ADGRL3: variants seen among roughly 807,000 people sequenced by gnomAD.
ADGRL3 encodes the protein adhesion G protein-coupled receptor L3.
A neutral mutation model predicts 153.5 loss-of-function variants in ADGRL3; 62 were observed. The observed-to-expected ratio is 0.40, with a 90% confidence interval of 0.33 to 0.50. ADGRL3 has a LOEUF of 0.50. Ranked by LOEUF, ADGRL3 falls within the 20% of genes least tolerant of loss-of-function variation. ADGRL3 has a pLI of 0.47. For missense variants in ADGRL3, 1,641 were observed against 1,859.4 expected (o/e 0.88, Z 2.16); for synonymous variants, 710 against 672.5 (o/e 1.06, Z -0.86).
At chr4:61,302,428 A>C (rs1347948236) in intron 1 of ADGRL3, among the ~76,000 whole-genome samples, 1 of 152,176 alleles carries the variant, frequency 6.6e-6, no homozygotes, top group Non-Finnish European at 1.5e-5. Flanking sequence ...TTATCTAAAA[A>C]ACTAGGTATT....
chr4:61,748,209 G>C (rs960009111), intron 8 of ADGRL3, among the ~76,000 whole-genome samples: 8 of 152,200 alleles, frequency 5.3e-5, no homozygotes, highest in African/African-American at 1.9e-4. Context: ...AAATAAAAGA[G>C]AATACAATCA....
At chr4:61,208,752 T>C (rs1394948) in intron 1 of ADGRL3, among the ~76,000 whole-genome samples, 1 of 152,094 alleles carries the variant, frequency 6.6e-6, no homozygotes, top group South Asian at 2.1e-4. Flanking sequence ...AAGACCCCAA[T>C]TGAATATTTA....
At chr4:61,273,762 A>G (rs187709608) in intron 1 of ADGRL3, among the ~76,000 whole-genome samples, 1 of 152,296 alleles carries the variant, frequency 6.6e-6, no homozygotes, top group East Asian at 1.9e-4. Context: ...ACTGTTAACT[A>G]CTACTTCCCC....
At chr4:61,524,658 G>A (rs886808905) in intron 4 of ADGRL3, among the ~76,000 whole-genome samples, 1 of 152,000 alleles carries the variant, frequency 6.6e-6, no homozygotes, top group African/African-American at 2.4e-5. Flanking sequence ...CATCTCTAAA[G>A]TGTGATATAA....
chr4:61,309,388 C>T (rs998873097), intron 1 of ADGRL3, among the ~76,000 whole-genome samples: 2 of 152,104 alleles, frequency 1.3e-5, no homozygotes, highest in African/African-American at 4.8e-5. Flanking sequence ...AGCTTAGTAA[C>T]CCCTGGAGTA....
chr4:61,658,059 C>G (rs928261965), intron 5 of ADGRL3, among the ~76,000 whole-genome samples: 6 of 152,140 alleles, frequency 3.9e-5, no homozygotes, highest in African/African-American at 1.4e-4. Context: ...AAAGTCAGTC[C>G]ACCATAATTT....
intron 24 of ADGRL3, among the ~76,000 whole-genome samples, chr4:62,042,964 T>C (rs565305006): frequency 6.6e-6 from 1 of 152,246 alleles, no homozygotes; most frequent in Admixed American, 6.6e-5. Context: ...ATTTTGATAC[T>C]TACTCACCTG....
At chr4:61,334,825 C>T (rs1167514466) in intron 1 of ADGRL3, among the ~76,000 whole-genome samples, 1 of 151,986 alleles carries the variant, frequency 6.6e-6, no homozygotes, top group Non-Finnish European at 1.5e-5. Context: ...TGGGATTTTT[C>T]TATTCATCAA....
intron 25 of ADGRL3, among the ~76,000 whole-genome samples, chr4:62,058,403 G>A (rs1193232510): frequency 6.6e-6 from 1 of 152,064 alleles, no homozygotes; most frequent in Admixed American, 6.6e-5. Flanking sequence ...ACTCATAATG[G>A]ATAAAATAAC....
intron 4 of ADGRL3, among the ~76,000 whole-genome samples, chr4:61,526,209 C>T (rs1428900857): frequency 1.3e-5 from 2 of 152,042 alleles, no homozygotes; most frequent in Non-Finnish European, 2.9e-5. Flanking sequence ...GGGTGATCAC[C>T]GAGCATGAGC....
At chr4:61,266,627 A>G (rs1505664) in intron 1 of ADGRL3, among the ~76,000 whole-genome samples, 56,754 of 151,700 alleles carry the variant, frequency 0.37, 11,065 homozygotes, top group Non-Finnish European at 0.43. Flanking sequence ...ATATAAAAAC[A>G]TAGCGATACA....
At chr4:61,705,742 G>A (rs531100741) in intron 6 of ADGRL3, among the ~76,000 whole-genome samples, 19 of 152,108 alleles carry the variant, frequency 1.2e-4, no homozygotes, top group African/African-American at 3.1e-4. Flanking sequence ...TAGGCAATCC[G>A]CGCTCCCTCC....
At chr4:61,483,372 A>G (rs972011137) in intron 2 of ADGRL3, among the ~76,000 whole-genome samples, 1 of 152,228 alleles carries the variant, frequency 6.6e-6, no homozygotes, top group African/African-American at 2.4e-5. Flanking sequence ...TACAAAATGT[A>G]TATACATAGC....
chr4:61,954,705 T>C (rs2098959809), intron 17 of ADGRL3, among the ~76,000 whole-genome samples: 1 of 152,078 alleles, frequency 6.6e-6, no homozygotes, highest in African/African-American at 2.4e-5. Flanking sequence ...CTAAGTGTCT[T>C]TCTCTTCTCA....
At chr4:61,804,431 TC>T (rs1020415159) in intron 8 of ADGRL3, among the ~76,000 whole-genome samples, 2 of 152,196 alleles carry the variant, frequency 1.3e-5, no homozygotes, top group African/African-American at 4.8e-5. Flanking sequence ...TTGTCTCTTT[TC>T]TTTATAAGAA....
chr4:61,464,130 G>A (rs965101791), intron 2 of ADGRL3, among the ~76,000 whole-genome samples: 3 of 152,142 alleles, frequency 2.0e-5, no homozygotes, highest in Non-Finnish European at 4.4e-5. Flanking sequence ...TACCAGGTTT[G>A]CATAGTTTGT....
Position 62,044,509 on chromosome 4 carries a change from T to C in ADGRL3, c.3774T>C (p.Phe1258=), listed in dbSNP as rs1161306625. 1 of 1,597,622 alleles carries C rather than the reference T, an allele frequency of 6.3e-7. No individual in the cohort carries two copies. The highest frequency in any genetic ancestry group is 1.7e-5 in the Admixed American group (1 of 58,144). ...TTCGAAAGCAGTCAGAGTCTTCCTT[T>C]ATTACTGGAGACATAAACAGTTCAG... is the stretch of plus-strand genomic sequence containing the variant. ...DTVRKQSESS[F]ITGDINSSAS... The change falls in exon 25 of 27, where the codon TTT becomes TTC. Residue 1258 remains phenylalanine, a synonymous_variant. Transcript: ENST00000683033.
At chr4:61,313,550 T>C (rs999987102) in intron 1 of ADGRL3, among the ~76,000 whole-genome samples, 11 of 152,164 alleles carry the variant, frequency 7.2e-5, no homozygotes, top group African/African-American at 2.2e-4. Context: ...ATGTTGTCAA[T>C]AGGATTTTGG....
At chr4:61,703,194 G>A (rs967110934) in intron 6 of ADGRL3, among the ~76,000 whole-genome samples, 3 of 152,002 alleles carry the variant, frequency 2.0e-5, no homozygotes, top group African/African-American at 7.2e-5. Context: ...CAGTAAAATG[G>A]GAGTAATTAT....
Sources: allele counts gnomAD v4.1 joint callset (sites outside exome capture counted in the v4.1 genomes callset), GRCh38; gene constraint gnomAD v4.1.1; transcripts MANE v1.5; gene names NCBI Gene and HGNC (gene_info 2026-07-23, HGNC 2026-07-21).